Variants in MINDY4B observed in about 807,000 individuals in gnomAD.
MINDY4B encodes the protein inactive ubiquitin carboxyl-terminal hydrolase MINDY-4B.
A neutral mutation model predicts 16.7 loss-of-function variants in MINDY4B; 25 were observed. That is an observed-to-expected ratio of 1.49 (90% CI 1.09 to 2.09). MINDY4B has a LOEUF of 2.09. Ranked by LOEUF, MINDY4B falls within the 30% of genes most tolerant of loss-of-function variation. The probability of loss-of-function intolerance (pLI) is 0.00; values close to 1 mark genes in which losing one functional copy is unlikely to be tolerated. For synonymous variants in MINDY4B, 132 were observed against 61.9 expected (o/e 2.13, Z -5.32); for missense variants, 327 against 168.4 (o/e 1.94, Z -5.21).
intron 10 of MINDY4B, among the ~76,000 whole-genome samples, chr3:150,876,901 C>G (rs1711497515): frequency 6.6e-6 from 1 of 152,132 alleles, no homozygotes. Context: ...ATTGGAACCT[C>G]ACACTCAAAT....
chr3:150,883,792 A>T lies in MINDY4B; in HGVS notation c.825-20T>A. 1.4e-6 allele frequency: 1 copy of T among 702,600 alleles called. No individual in the cohort carries two copies. The highest frequency in any genetic ancestry group is 2.6e-6 in the Non-Finnish European group (1 of 384,754). The allele number at this position is 702,600 out of a possible 1,614,324, so 43.5% of individuals were successfully genotyped here. A position where few individuals can be genotyped will look rare whatever the true frequency, so the allele number is the denominator to read the frequency against. On this transcript the variant is annotated intron_variant, in intron 8 of 11. Transcript: ENST00000465419. The stretch of plus-strand genomic sequence containing the variant: ...TGAAGCCTGCAGAGTGGGAGAAGCC[A>T]TCAGCATCCAGTCAGAGACAGTGCA...
At chr3:150,889,535 T>A (rs539947024) in intron 7 of MINDY4B, among the ~76,000 whole-genome samples, 1 of 152,372 alleles carries the variant, frequency 6.6e-6, no homozygotes, top group South Asian at 2.1e-4. Context: ...TAGTGTAATA[T>A]ATTTACAAGT....
intron 3 of MINDY4B, among the ~76,000 whole-genome samples, chr3:150,902,029 G>A (rs937737662): frequency 2.6e-5 from 4 of 152,130 alleles, no homozygotes; most frequent in East Asian, 1.9e-4. Flanking sequence ...TGGAAATACC[G>A]CAGTCAGGGT....
At chr3:150,885,463 A>T in intron 7 of MINDY4B, 25 bp from the exon 8 acceptor site, 1 of 701,920 alleles carries the variant, frequency 1.4e-6, no homozygotes, top group East Asian at 2.7e-5. Context: ...AAAGAAAAGC[A>T]TGTTGGTCTA....
chr3:150,877,150 A>G (rs1008582813), intron 10 of MINDY4B, among the ~76,000 whole-genome samples: 11 of 152,184 alleles, frequency 7.2e-5, no homozygotes, highest in African/African-American at 2.7e-4. Context: ...TAAGAGATTT[A>G]CTTAGAGAAG....
Position 150,873,218 on chromosome 3 carries a change from G to T in MINDY4B, c.1209C>A (p.Pro403=). 1 of 703,186 alleles carries T rather than the reference G, an allele frequency of 1.4e-6. No individual in the cohort carries two copies. Among genetic ancestry groups the T allele is most frequent in the Non-Finnish European group, 2.6e-6 (1 of 384,892 alleles). 43.6% of individuals were successfully genotyped at this position (703,186 alleles called of 1,614,324 possible). The stretch of plus-strand genomic sequence containing the variant: ...TAAGACGCACAAGCTTTTTCTGTGA[G>T]GGTTGGCCACTGTAAAAGTACAGAT... The part of the protein sequence containing the change: ...LFDLYFYSGQ[P]SQKKLVRLTI... The change falls in exon 11 of 12, where the codon CCC becomes CCA. Residue 403 remains proline (P), a synonymous_variant. Coordinates refer to ENST00000465419, the MANE Select transcript of MINDY4B (RefSeq NM_001351281.2).
At chr3:150,880,527 G>T (rs1443875787) in intron 10 of MINDY4B, among the ~76,000 whole-genome samples, 1 of 152,220 alleles carries the variant, frequency 6.6e-6, no homozygotes. Flanking sequence ...TGCAGAAAAG[G>T]TTAGAACCAC....
intron 10 of MINDY4B, among the ~76,000 whole-genome samples, chr3:150,875,445 C>A (rs1175319590): frequency 6.6e-6 from 1 of 152,008 alleles, no homozygotes; most frequent in Non-Finnish European, 1.5e-5. Flanking sequence ...GTGATATTCC[C>A]TGTAAATTAG....
intron 3 of MINDY4B, among the ~76,000 whole-genome samples, chr3:150,898,813 A>G (rs763196495): frequency 1.3e-5 from 2 of 152,152 alleles, no homozygotes; most frequent in Non-Finnish European, 2.9e-5. Context: ...CACACATTCA[A>G]AGATAGAGGC....
At chr3:150,894,672 A>G (rs965703651) in intron 3 of MINDY4B, among the ~76,000 whole-genome samples, 7 of 152,216 alleles carry the variant, frequency 4.6e-5, no homozygotes, top group Admixed American at 2.6e-4. Flanking sequence ...AGCCTGGTAC[A>G]GTAGCGATTT....
At chr3:150,884,017 C>T (rs1337167396) in intron 8 of MINDY4B, among the ~76,000 whole-genome samples, 1 of 152,012 alleles carries the variant, frequency 6.6e-6, no homozygotes, top group African/African-American at 2.4e-5. Context: ...TGTTCGAATC[C>T]CTGTGTGTGT....
intron 1 of MINDY4B, 66 bp downstream of exon 1, chr3:150,905,261 A>C (rs991119078): frequency 7.5e-6 from 3 of 398,220 alleles, no homozygotes; most frequent in Non-Finnish European, 1.3e-5. Context: ...CAAGCTTATA[A>C]GTTGATTACT....
chr3:150,889,009 A>G (rs1292367275), intron 7 of MINDY4B, among the ~76,000 whole-genome samples: 5 of 152,174 alleles, frequency 3.3e-5, no homozygotes, highest in Non-Finnish European at 7.3e-5. Flanking sequence ...ATCCCATTCA[A>G]TGTCTCTTGC....
Position 150,893,336 on chromosome 3 carries a change from C to G in MINDY4B, c.509G>C (p.Cys170Ser). ...YLLFTRKGKD[C>S]NLGNLCEISK... ...ACAGTCCTCTTACTTGCCAAGGTTA[C>G]AGTCTTTTCCTTTCCTGGTAAACAA... The change falls in exon 5 of 12, where the codon TGT (cysteine) becomes TCT (serine). Residue 170 changes from cysteine (C) to serine (S), a missense_variant. Cys to Ser is a moderately radical substitution (Grantham distance 112). Transcript: ENST00000465419. 1 of 702,796 alleles carries G rather than the reference C, an allele frequency of 1.4e-6. No homozygotes were observed. The highest frequency in any genetic ancestry group is 2.6e-6 in the Non-Finnish European group (1 of 384,830). The allele number at this position is 702,796 out of a possible 1,614,324, so 43.5% of individuals were successfully genotyped here. A position where few individuals can be genotyped will look rare whatever the true frequency, so the allele number is the denominator to read the frequency against.
intron 2 of MINDY4B, among the ~76,000 whole-genome samples, chr3:150,903,916 A>G (rs1433945056): frequency 6.6e-6 from 1 of 152,178 alleles, no homozygotes; most frequent in African/African-American, 2.4e-5. Context: ...GTCTACCTTT[A>G]AAAAAATTTC....
intron 10 of MINDY4B, among the ~76,000 whole-genome samples, chr3:150,881,826 G>C (rs1413619828): frequency 1.3e-5 from 2 of 152,140 alleles, no homozygotes; most frequent in African/African-American, 4.8e-5. Flanking sequence ...CACAAAATAT[G>C]CCAATTCTGC....
At chr3:150,897,125 C>T (rs1358074007) in intron 3 of MINDY4B, among the ~76,000 whole-genome samples, 5 of 152,158 alleles carry the variant, frequency 3.3e-5, no homozygotes, top group East Asian at 3.9e-4. Flanking sequence ...ATATGTAACA[C>T]GTTACTTAAT....
intron 2 of MINDY4B, among the ~76,000 whole-genome samples, chr3:150,903,931 C>T (rs1428589623): frequency 3.9e-5 from 6 of 152,090 alleles, no homozygotes; most frequent in East Asian, 3.8e-4. Context: ...AATTTCTTTT[C>T]GCTTTTCTTG....
chr3:150,890,969 G>A lies in MINDY4B; in HGVS notation c.656C>T (p.Pro219Leu), dbSNP rs545341909. The change falls in exon 6 of 12, where the codon CCG becomes CTG. Residue 219 changes from proline (P) to leucine (L), a missense_variant. Physicochemically the swap from Pro to Leu is moderately conservative, Grantham distance 98 (BLOSUM62 -3). Transcript: ENST00000465419. ...AGTGAAATTGTCCACAGAGTAGTCC[G>A]GAGTCGACGCAACGTAAATGTCCTC... ...VTEDIYVASTPDYSVDNFTER... is the reference protein window; with the variant it reads ...VTEDIYVASTLDYSVDNFTER... The A allele has an allele frequency of 1.1e-4, 78 of 702,830 alleles. No individual in the cohort carries two copies. Among genetic ancestry groups the A allele is most frequent in the East Asian group, 4.6e-4 (17 of 37,296 alleles). The allele number at this position is 702,830 out of a possible 1,614,324, so 43.5% of individuals were successfully genotyped here. A position where few individuals can be genotyped will look rare whatever the true frequency, so the allele number is the denominator to read the frequency against.
Sources: gnomAD v4.1 joint callset for allele counts (sites outside exome capture counted in the v4.1 genomes callset) on GRCh38, gnomAD v4.1.1 for gene constraint, MANE v1.5 for transcripts, NCBI Gene and HGNC (gene_info 2026-07-23, HGNC 2026-07-21) for gene names.